Variants in CPQ observed in about 807,000 individuals in gnomAD.
CPQ encodes the protein Ser-Met dipeptidase.
CPQ carries 37 observed loss-of-function variants against 45.7 expected under a neutral mutation model. The ratio of observed to expected loss-of-function variants is 0.81; its 90% confidence interval spans 0.62 to 1.07. The LOEUF is 1.07. Among genes scored for constraint, CPQ ranks in the 50% least tolerant of loss-of-function variants. The pLI, the probability that CPQ is intolerant of heterozygous loss-of-function variation, is 0.00. For synonymous variants in CPQ, 186 were observed against 205.8 expected, an observed-to-expected ratio of 0.90 and a Z score of 0.82; for missense variants, 537 against 572.9, an observed-to-expected ratio of 0.94 and a Z score of 0.64.
At chr8:96,822,209 A>G (rs1418496265) in intron 2 of CPQ, among the ~76,000 whole-genome samples, 1 of 152,010 alleles carries the variant, frequency 6.6e-6, no homozygotes, top group Non-Finnish European at 1.5e-5. Context: ...AAGTTCATCC[A>G]AGTTGTTGCA....
chr8:96,993,987 A>G (rs1236363820), intron 5 of CPQ, among the ~76,000 whole-genome samples: 1 of 152,136 alleles, frequency 6.6e-6, no homozygotes, highest in Non-Finnish European at 1.5e-5. Flanking sequence ...GGGAGGGAAG[A>G]ATTAATATCC....
intron 5 of CPQ, among the ~76,000 whole-genome samples, chr8:96,988,735 G>C (rs554318049): frequency 6.6e-6 from 1 of 152,276 alleles, no homozygotes; most frequent in South Asian, 2.1e-4. Flanking sequence ...GACTTGCTAA[G>C]GGGGAAGGAG....
At chr8:96,718,172 G>A (rs951119493) in intron 1 of CPQ, among the ~76,000 whole-genome samples, 2 of 152,126 alleles carry the variant, frequency 1.3e-5, no homozygotes, top group African/African-American at 4.8e-5. Context: ...CTGGCCAAGG[G>A]AGTTCATCCG....
intron 3 of CPQ, among the ~76,000 whole-genome samples, chr8:96,879,127 T>G (rs1812186334): frequency 6.6e-6 from 1 of 152,198 alleles, no homozygotes; most frequent in African/African-American, 2.4e-5. Flanking sequence ...ATCTAGAAAT[T>G]AACAGGAAAA....
At chr8:96,827,852 G>A (rs1811399167) in intron 2 of CPQ, among the ~76,000 whole-genome samples, 1 of 152,010 alleles carries the variant, frequency 6.6e-6, no homozygotes, top group Admixed American at 6.6e-5. Context: ...TCTGCTTTAA[G>A]CATATATCGA....
In CPQ at chr8:97,127,057, T is replaced by C. The variant is rs927890199; in HGVS notation, c.1256-15963T>C. Among the ~76,000 whole-genome samples, 3 of 152,184 alleles carry C rather than the reference T, an allele frequency of 2.0e-5. No individual in the cohort carries two copies. The South Asian group carries it at 6.2e-4, about 31-fold the overall frequency. On this transcript the variant is annotated intron_variant, in intron 7 of 7. Coordinates refer to ENST00000220763, the MANE Select transcript of CPQ (RefSeq NM_016134.4). Reference sequence around the variant, plus strand: ...AACCTAAATGTAAAATCTTAAACTATGATAATTATAGAAGAAAATATAGGA... The same window carrying C: ...AACCTAAATGTAAAATCTTAAACTACGATAATTATAGAAGAAAATATAGGA...
At chr8:97,117,934 C>T (rs1811623335) in intron 7 of CPQ, among the ~76,000 whole-genome samples, 1 of 152,216 alleles carries the variant, frequency 6.6e-6, no homozygotes, top group East Asian at 1.9e-4. Flanking sequence ...AATTTGTTTT[C>T]CTTCTGATTC....
rs1390093632 is a variant in CPQ at position 97,123,066 on chromosome 8, A to ATAAAT, written c.1256-19954_1256-19953insTAAAT. Among the ~76,000 whole-genome samples the ATAAAT allele has an allele frequency of 1.7e-4, 8 of 47,814 alleles. 2 individuals are homozygous for ATAAAT. The highest frequency in any genetic ancestry group is 1.1e-3 in the South Asian group (2 of 1,896). The allele number at this position is 47,814 out of a possible 152,430, so 31.4% of individuals were successfully genotyped here. On this transcript the variant is annotated intron_variant, in intron 7 of 7. Coordinates refer to ENST00000220763, the MANE Select transcript of CPQ (RefSeq NM_016134.4). ...AATAAATAAAATAAAATAAAATAAA[A>ATAAAT]AAAATAAAATAAAATAAATAAAATA...
At chr8:96,790,298 T>A (rs1282390287) in intron 2 of CPQ, among the ~76,000 whole-genome samples, 13 of 152,024 alleles carry the variant, frequency 8.6e-5, no homozygotes, top group Admixed American at 8.5e-4. Flanking sequence ...ATATCCCTAG[T>A]GGATGATAAG....
chr8:96,706,492 T>C (rs576918832), intron 1 of CPQ, among the ~76,000 whole-genome samples: 2 of 152,252 alleles, frequency 1.3e-5, no homozygotes, highest in South Asian at 2.1e-4. Context: ...GAGATACTGC[T>C]AAGTTGGAGA....
At chr8:96,768,427 C>T (rs1386980572) in intron 1 of CPQ, among the ~76,000 whole-genome samples, 2 of 151,984 alleles carry the variant, frequency 1.3e-5, no homozygotes, top group African/African-American at 2.4e-5. Flanking sequence ...GCTCTGTGTT[C>T]GTATTGCAGG....
At chr8:97,097,560 G>A (rs1004928929) in intron 7 of CPQ, among the ~76,000 whole-genome samples, 3 of 152,146 alleles carry the variant, frequency 2.0e-5, no homozygotes, top group African/African-American at 7.2e-5. Context: ...GGCCTCTGTC[G>A]TGTAAGTAAT....
chr8:96,919,661 G>A (rs1219279802), intron 4 of CPQ, among the ~76,000 whole-genome samples: 1 of 152,152 alleles, frequency 6.6e-6, no homozygotes, highest in African/African-American at 2.4e-5. Flanking sequence ...ACCTAGAAAA[G>A]ATTGGAAGAA....
chr8:96,814,216 T>G (rs926502785), intron 2 of CPQ, among the ~76,000 whole-genome samples: 14 of 152,162 alleles, frequency 9.2e-5, no homozygotes, highest in African/African-American at 3.4e-4. Context: ...ATTGATTGGT[T>G]TCCTGAAGCT....
At chr8:96,812,389 C>T (rs529699890) in intron 2 of CPQ, among the ~76,000 whole-genome samples, 35 of 152,070 alleles carry the variant, frequency 2.3e-4, no homozygotes, top group South Asian at 2.1e-4. Context: ...CATGTATTCT[C>T]TAAGCAGCAA....
At chr8:97,123,204 TAAAAAATA>T (rs1380274350) in intron 7 of CPQ, among the ~76,000 whole-genome samples, 1 of 42,660 alleles carries the variant, frequency 2.3e-5, no homozygotes, top group Non-Finnish European at 5.7e-5. Flanking sequence ...TAAAATAAAA[TAAAAAATA>T]AAATAAAATA....
chr8:96,835,800 C>T (rs1563509113), intron 3 of CPQ, among the ~76,000 whole-genome samples: 3 of 152,136 alleles, frequency 2.0e-5, no homozygotes, highest in Non-Finnish European at 4.4e-5. Context: ...GAAAAAGATA[C>T]TTAATTATCT....
At chr8:96,733,784 C>T (rs1027189591) in intron 1 of CPQ, among the ~76,000 whole-genome samples, 41 of 152,016 alleles carry the variant, frequency 2.7e-4, no homozygotes, top group Non-Finnish European at 5.3e-4. Flanking sequence ...AGGTATTTTA[C>T]AATTACAGCC....
chr8:97,074,615 T>C (rs770498295), intron 7 of CPQ, among the ~76,000 whole-genome samples: 8 of 152,058 alleles, frequency 5.3e-5, no homozygotes, highest in Admixed American at 2.6e-4. Flanking sequence ...CTACTAAAAA[T>C]ACAAAATTAG....
Sources: allele counts gnomAD v4.1 joint callset (sites outside exome capture counted in the v4.1 genomes callset), GRCh38; gene constraint gnomAD v4.1.1; transcripts MANE v1.5; gene names NCBI Gene and HGNC (gene_info 2026-07-23, HGNC 2026-07-21).